The following PUDP variants were observed in gnomAD, a reference collection of about 807,000 sequenced individuals.
PUDP encodes pseudouridine 5'-phosphatase.
Under a neutral mutation model 9.4 loss-of-function variants are expected in PUDP, and 8 were observed. The ratio of observed to expected loss-of-function variants is 0.85; its 90% CI spans 0.50 to 1.53. The LOEUF is 1.53. Among genes scored for constraint, PUDP ranks in the 40% most tolerant of loss-of-function variants. The pLI is 0.00. For synonymous variants in PUDP, 99 were observed against 80.7 expected, an observed-to-expected ratio of 1.23 and a Z score of -1.22; for missense variants, 188 against 189.7, an observed-to-expected ratio of 0.99 and a Z score of 0.05.
intron 3 of PUDP, among the ~76,000 whole-genome samples, chrX:7,073,380 G>GACT (rs1239609291): frequency 1.8e-5 from 2 of 111,672 alleles, no homozygotes; most frequent in East Asian, 2.8e-4. Flanking sequence ...ACTTTCCTAT[G>GACT]ACTACTACTA....
chrX:7,096,054 T>C (rs1221323174), intron 2 of PUDP, among the ~76,000 whole-genome samples: 2 of 112,297 alleles, frequency 1.8e-5, no homozygotes, highest in African/African-American at 6.5e-5. Context: ...CATGGACTAA[T>C]GCAACCTTGT....
chrX:6,767,046 C>A (rs1925293845), intron 3 of PUDP, among the ~76,000 whole-genome samples: 1 of 112,842 alleles, frequency 8.9e-6, no homozygotes, highest in Non-Finnish European at 1.9e-5. Context: ...GAAGTGATGG[C>A]AAGTTGATAA....
chrX:6,780,736 C>T (rs748934371), intron 3 of PUDP, among the ~76,000 whole-genome samples: 305 of 111,259 alleles, frequency 2.7e-3, no homozygotes, highest in Middle Eastern at 0.014. Flanking sequence ...CATGTACACA[C>T]ACACACACAC....
chrX:6,973,104 CTTTA>C (rs1436498547), intron 3 of PUDP, among the ~76,000 whole-genome samples: 1 of 111,699 alleles, frequency 9.0e-6, no homozygotes, highest in Non-Finnish European at 1.9e-5. Flanking sequence ...CTCTTTTCTT[CTTTA>C]TTAGTCTGGC....
intron 1 of PUDP, among the ~76,000 whole-genome samples, chrX:6,996,612 A>G (rs6530032): frequency 0.36 from 37,660 of 104,054 alleles, 5,390 homozygotes; most frequent in Non-Finnish European, 0.41. Flanking sequence ...ATACATATGT[A>G]TATATATATA....
At chrX:6,829,825 G>C (rs1285454613) in intron 3 of PUDP, among the ~76,000 whole-genome samples, 3 of 110,690 alleles carry the variant, frequency 2.7e-5, no homozygotes, top group Admixed American at 9.7e-5. Flanking sequence ...CACTGGGTAA[G>C]AGGTACAAGG....
chrX:6,881,207 C>T (rs974831258), intron 3 of PUDP, among the ~76,000 whole-genome samples: 3 of 111,827 alleles, frequency 2.7e-5, no homozygotes, highest in African/African-American at 9.7e-5. Context: ...AAACACACTC[C>T]ATAACTTAAG....
At position 7,050,074 on chromosome X, in the gene PUDP, G is replaced by T; in HGVS notation, c.*222C>A. ...TAATTCAAGTTTCATCTTTGTTCTGGGCTTCGTTTCTGTCTCTACTGTATT... is the reference window on the plus strand; with the variant it reads ...TAATTCAAGTTTCATCTTTGTTCTGTGCTTCGTTTCTGTCTCTACTGTATT... On this transcript the variant is annotated 3_prime_UTR_variant, in exon 4 of 4. Transcript: ENST00000381077. The T allele has an allele frequency of 2.7e-6, 1 of 369,260 alleles. No homozygotes were observed. The highest frequency in any genetic ancestry group is 4.7e-6 in the Non-Finnish European group (1 of 212,334). 30.4% of individuals were successfully genotyped at this position (369,260 alleles called of 1,213,427 possible).
At chrX:7,091,618 G>A (rs1931424762) in intron 2 of PUDP, among the ~76,000 whole-genome samples, 1 of 108,364 alleles carries the variant, frequency 9.2e-6, no homozygotes, top group African/African-American at 3.6e-5. Context: ...TGGGATTACA[G>A]GTGTGAGCCA....
chrX:6,718,057 G>A (rs1222132947), intron 1 of PUDP, among the ~76,000 whole-genome samples: 1 of 107,545 alleles, frequency 9.3e-6, no homozygotes, highest in African/African-American at 3.4e-5. Context: ...TTTTTTTCTT[G>A]TTGAGTTATT....
At chrX:6,721,698 G>T (rs979948303), upstream of PUDP, among the ~76,000 whole-genome samples, 1 of 111,996 alleles carries the variant, frequency 8.9e-6, no homozygotes, top group Non-Finnish European at 1.9e-5. Context: ...GGATAGGTGC[G>T]TGATGTTCAC....
chrX:7,114,973 G>C (rs1299653653), intron 1 of PUDP, among the ~76,000 whole-genome samples: 1 of 112,140 alleles, frequency 8.9e-6, no homozygotes, highest in African/African-American at 3.2e-5. Flanking sequence ...TGTAATGAAA[G>C]AGAGATTTAA....
At chrX:6,972,571 T>A (rs1928893309) in intron 3 of PUDP, among the ~76,000 whole-genome samples, 1 of 112,113 alleles carries the variant, frequency 8.9e-6, no homozygotes, top group Admixed American at 9.5e-5. Context: ...TTGATAATGG[T>A]GGATGAGCTT....
chrX:6,963,759 G>A (rs776563207), intron 3 of PUDP, among the ~76,000 whole-genome samples: 3 of 112,029 alleles, frequency 2.7e-5, no homozygotes, highest in African/African-American at 6.5e-5. Context: ...AAAGTGAGAC[G>A]TCAGAAGTGA....
intron 2 of PUDP, among the ~76,000 whole-genome samples, chrX:7,088,477 C>T (rs1371569171): frequency 8.9e-6 from 1 of 111,798 alleles, no homozygotes; most frequent in African/African-American, 3.3e-5. Flanking sequence ...GGACTTGACA[C>T]CTTAATGTTA....
intron 1 of PUDP, among the ~76,000 whole-genome samples, chrX:6,993,400 A>G (rs1016502938): frequency 1.8e-5 from 2 of 112,140 alleles, no homozygotes; most frequent in East Asian, 5.6e-4. Flanking sequence ...TGTAACAAAA[A>G]TAGGAAGCAA....
intron 1 of PUDP, among the ~76,000 whole-genome samples, chrX:7,121,504 G>C (rs1932343233): frequency 9.0e-6 from 1 of 111,530 alleles, no homozygotes; most frequent in Non-Finnish European, 1.9e-5. Context: ...CACACTGCAG[G>C]CTAAAAGCAG....
chrX:6,804,899 T>G (rs1023717118), intron 3 of PUDP, among the ~76,000 whole-genome samples: 6 of 111,790 alleles, frequency 5.4e-5, no homozygotes, highest in African/African-American at 2.0e-4. Context: ...GGCAAATTAG[T>G]ATAAGGTCTG....
At chrX:6,849,067 C>T (rs1268610684) in intron 3 of PUDP, among the ~76,000 whole-genome samples, 5 of 112,100 alleles carry the variant, frequency 4.5e-5, no homozygotes, top group African/African-American at 1.6e-4. Flanking sequence ...GGGGAAGTTA[C>T]AAAGAGTGTG....
Sources: allele counts gnomAD v4.1 joint callset (sites outside exome capture counted in the v4.1 genomes callset), GRCh38; gene constraint gnomAD v4.1.1; transcripts MANE v1.5; gene names NCBI Gene and HGNC (gene_info 2026-07-23, HGNC 2026-07-21).